COL22A1: variants seen among roughly 807,000 people sequenced by gnomAD.
COL22A1 encodes the protein collagen alpha-1(XXII) chain.
COL22A1 carries 221 observed loss-of-function variants against 248.9 expected under a neutral mutation model. That is an observed-to-expected ratio of 0.89 (90% CI 0.80 to 0.99). The LOEUF is 0.99. Among genes scored for constraint, COL22A1 ranks in the 50% least tolerant of loss-of-function variants. The probability of loss-of-function intolerance (pLI) is 0.00; values close to 1 mark genes in which losing one functional copy is unlikely to be tolerated. For synonymous variants in COL22A1, 891 were observed against 793.4 expected, an observed-to-expected ratio of 1.12 and a Z score of -2.07; for missense variants, 2,240 against 2,179.0, an observed-to-expected ratio of 1.03 and a Z score of -0.56.
At chr8:138,833,452 G>C (rs1442784832) in intron 4 of COL22A1, among the ~76,000 whole-genome samples, 1 of 152,222 alleles carries the variant, frequency 6.6e-6, no homozygotes, top group Non-Finnish European at 1.5e-5. Flanking sequence ...GGTTGTGTGA[G>C]GGCCGCAGGG....
At chr8:138,880,279 G>A (rs1265422433) in intron 2 of COL22A1, among the ~76,000 whole-genome samples, 3 of 152,184 alleles carry the variant, frequency 2.0e-5, no homozygotes, top group South Asian at 2.1e-4. Flanking sequence ...ATACCATTGG[G>A]TGTGAAAAGC....
chr8:138,884,045 G>A (rs970480613), intron 1 of COL22A1, among the ~76,000 whole-genome samples: 2 of 152,082 alleles, frequency 1.3e-5, no homozygotes, highest in South Asian at 4.1e-4. Flanking sequence ...TTTCCCACAG[G>A]TTCCAGGTGT....
Position 138,598,628 on chromosome 8 carries a change from G to T in COL22A1, c.4365+91C>A. The T allele has an allele frequency of 3.9e-6, 5 of 1,278,354 alleles. No homozygotes were observed. The South Asian group carries it at 7.2e-5, about 18-fold the overall frequency. The allele number at this position is 1,278,354 out of a possible 1,614,324, so 79.2% of individuals were successfully genotyped here. ...TTCAGTCACTAGAAGACTGGGATCT[G>T]TAAACTGGTGCCTCTGAAGTCCACA... On this transcript the variant is annotated intron_variant, in intron 61 of 64. Transcript: ENST00000303045.
At chr8:138,787,949 T>C (rs1815686058) in intron 12 of COL22A1, among the ~76,000 whole-genome samples, 1 of 152,186 alleles carries the variant, frequency 6.6e-6, no homozygotes, top group Non-Finnish European at 1.5e-5. Context: ...AGAGAGCAAA[T>C]ATTTCTGCTG....
At chr8:138,723,812 T>A (rs1830091071) in intron 25 of COL22A1, among the ~76,000 whole-genome samples, 1 of 152,204 alleles carries the variant, frequency 6.6e-6, no homozygotes, top group Non-Finnish European at 1.5e-5. Flanking sequence ...ACGCTGGTGT[T>A]ACCACGACCA....
intron 3 of COL22A1, among the ~76,000 whole-genome samples, chr8:138,844,616 A>G (rs530601860): frequency 6.6e-6 from 1 of 152,316 alleles, no homozygotes; most frequent in African/African-American, 2.4e-5. Flanking sequence ...GATAGACAAA[A>G]GACCAAAAGG....
intron 3 of COL22A1, among the ~76,000 whole-genome samples, chr8:138,869,559 G>T (rs1823161987): frequency 6.6e-6 from 1 of 152,228 alleles, no homozygotes; most frequent in South Asian, 2.1e-4. Context: ...GCTGGGCAGG[G>T]TTGGAAAACT....
At chr8:138,790,492 G>T (rs1268977398) in intron 12 of COL22A1, among the ~76,000 whole-genome samples, 3 of 152,152 alleles carry the variant, frequency 2.0e-5, no homozygotes, top group Non-Finnish European at 4.4e-5. Flanking sequence ...TGGGAGAGAG[G>T]CTCCAGGAAG....
intron 41 of COL22A1, among the ~76,000 whole-genome samples, chr8:138,667,418 C>T (rs1021359068): frequency 6.6e-6 from 1 of 152,030 alleles, no homozygotes; most frequent in African/African-American, 2.4e-5. Context: ...CTTAAATAGA[C>T]CCCCATTGGC....
chr8:138,643,836 A>G (rs1254650367), intron 47 of COL22A1, among the ~76,000 whole-genome samples: 1 of 152,126 alleles, frequency 6.6e-6, no homozygotes, highest in African/African-American at 2.4e-5. Flanking sequence ...AGTAGCTGGG[A>G]TTACAGGTTT....
chr8:138,640,293 T>C (rs1166300196), intron 47 of COL22A1, among the ~76,000 whole-genome samples: 3 of 152,168 alleles, frequency 2.0e-5, no homozygotes, highest in East Asian at 1.9e-4. Context: ...GGAAGGTACA[T>C]TCATACCAGG....
intron 49 of COL22A1, among the ~76,000 whole-genome samples, chr8:138,632,862 C>T (rs971175895): frequency 3.9e-5 from 6 of 152,108 alleles, no homozygotes; most frequent in Non-Finnish European, 1.5e-5. Context: ...TATAACAAAT[C>T]TAGATTTTTC....
chr8:138,664,196 C>CGA (rs1564163916), intron 41 of COL22A1, among the ~76,000 whole-genome samples: 1 of 70,176 alleles, frequency 1.4e-5, no homozygotes, highest in Non-Finnish European at 3.2e-5. Context: ...ACAAGGGGTG[C>CGA]GCGCGCGCGC....
At chr8:138,781,003 G>A in intron 12 of COL22A1, 23 bp from the exon 13 acceptor site, 2 of 1,557,728 alleles carry the variant, frequency 1.3e-6, no homozygotes, top group Non-Finnish European at 1.8e-6. Context: ...AAAGAGAATA[G>A]CAATTAGTAA....
At chr8:138,832,905 G>T in intron 5 of COL22A1, 134 bp downstream of exon 5, 2 of 608,728 alleles carry the variant, frequency 3.3e-6, no homozygotes, top group South Asian at 2.1e-5. Flanking sequence ...CTGCTTCATC[G>T]CAGGGCAACC....
intron 16 of COL22A1, among the ~76,000 whole-genome samples, chr8:138,768,861 C>T (rs569469373): frequency 1.1e-4 from 16 of 151,998 alleles, no homozygotes; most frequent in African/African-American, 3.1e-4. Flanking sequence ...TGCTTGAACC[C>T]AGGAGGCAGA....
chr8:138,663,571 A>G (rs538921476), intron 42 of COL22A1, 134 bp downstream of exon 42: 2 of 725,104 alleles, frequency 2.8e-6, no homozygotes, highest in African/African-American at 3.4e-5. Flanking sequence ...TAGGTTGGAC[A>G]GTCTGCACTG....
chr8:138,807,555 A>G (rs1421991833), intron 10 of COL22A1, among the ~76,000 whole-genome samples: 1 of 152,180 alleles, frequency 6.6e-6, no homozygotes, highest in African/African-American at 2.4e-5. Context: ...TCTTGCTCAT[A>G]TTTGCAGACT....
chr8:138,781,435 GAT>G (rs1349441050), intron 12 of COL22A1, among the ~76,000 whole-genome samples: 6 of 152,216 alleles, frequency 3.9e-5, no homozygotes, highest in African/African-American at 1.4e-4. Context: ...TGCATCCCTA[GAT>G]GCCAGCAGCA....
Sources: allele counts gnomAD v4.1 joint callset (sites outside exome capture counted in the v4.1 genomes callset), GRCh38; gene constraint gnomAD v4.1.1; transcripts MANE v1.5; gene names NCBI Gene and HGNC (gene_info 2026-07-23, HGNC 2026-07-21).